STAG1: variants seen among roughly 807,000 people sequenced by gnomAD.
STAG1 encodes the protein STAG1 cohesin complex component, also known as cohesin subunit SA-1.
Under a neutral mutation model 170.9 loss-of-function variants are expected in STAG1, and 26 were observed. That is an observed-to-expected ratio of 0.15 (90% CI 0.11 to 0.21). STAG1 has a LOEUF of 0.21. STAG1 is among the 10% of genes least tolerant of loss of function. STAG1 has a pLI of 1.00. For missense variants in STAG1, 964 were observed against 1,509.5 expected, an observed-to-expected ratio of 0.64 and a Z score of 5.99; for synonymous variants, 514 against 497.7, an observed-to-expected ratio of 1.03 and a Z score of -0.44.
chr3:136,414,490 T>A (rs972619859), intron 21 of STAG1, among the ~76,000 whole-genome samples: 1 of 152,200 alleles, frequency 6.6e-6, no homozygotes, highest in African/African-American at 2.4e-5. Context: ...CCACTTCTAA[T>A]TCTAGCTCTC....
At chr3:136,609,061 G>T (rs543332898) in intron 3 of STAG1, 9 of 152,462 alleles carry the variant, frequency 5.9e-5, no homozygotes, top group Admixed American at 3.3e-4. Flanking sequence ...TGCCCAAGAG[G>T]AAAGTCAGCT....
chr3:136,583,799 T>G (rs1272360835), intron 4 of STAG1, among the ~76,000 whole-genome samples: 5 of 151,892 alleles, frequency 3.3e-5, no homozygotes, highest in Non-Finnish European at 5.9e-5. Context: ...TCAAGGAGAT[T>G]TAAAAAACAA....
At chr3:136,461,664 G>C (rs2089278439) in intron 13 of STAG1, among the ~76,000 whole-genome samples, 1 of 150,490 alleles carries the variant, frequency 6.6e-6, no homozygotes, top group African/African-American at 2.4e-5. Context: ...TTTGGGGCAA[G>C]ACCTCAATAG....
chr3:136,429,517 C>T (rs1314893252), intron 16 of STAG1, among the ~76,000 whole-genome samples: 1 of 152,102 alleles, frequency 6.6e-6, no homozygotes, highest in African/African-American at 2.4e-5. Context: ...AGAAGGGGTG[C>T]CTAAATCAAC....
chr3:136,444,560 C>G (rs1340294154), intron 14 of STAG1, among the ~76,000 whole-genome samples: 1 of 152,174 alleles, frequency 6.6e-6, no homozygotes, highest in Admixed American at 6.5e-5. Context: ...AGACTGCAAT[C>G]CATTCTTGGG....
chr3:136,401,293 A>G (rs924657365), intron 21 of STAG1, among the ~76,000 whole-genome samples: 1 of 152,226 alleles, frequency 6.6e-6, no homozygotes, highest in Non-Finnish European at 1.5e-5. Context: ...AAACCTATCC[A>G]AATTGGAGTT....
At chr3:136,736,790 G>C in intron 1 of STAG1, 1 of 1,590,936 alleles carries the variant, frequency 6.3e-7, no homozygotes, top group East Asian at 2.2e-5. Flanking sequence ...GAACAGCTCA[G>C]GATCATCCTC....
intron 4 of STAG1, among the ~76,000 whole-genome samples, chr3:136,584,159 T>C (rs919036588): frequency 6.6e-6 from 1 of 152,240 alleles, no homozygotes; most frequent in Non-Finnish European, 1.5e-5. Flanking sequence ...TACTCTAAAA[T>C]ACCATACTGG....
At chr3:136,363,019 C>T (rs1264614571) in intron 26 of STAG1, among the ~76,000 whole-genome samples, 5 of 152,106 alleles carry the variant, frequency 3.3e-5, no homozygotes, top group African/African-American at 9.7e-5. Flanking sequence ...ATTTACGCAA[C>T]ATGAAAAACA....
intron 5 of STAG1, among the ~76,000 whole-genome samples, chr3:136,545,449 G>A (rs934827880): frequency 6.6e-6 from 1 of 151,956 alleles, no homozygotes; most frequent in African/African-American, 2.4e-5. Flanking sequence ...TGGATGGATT[G>A]GTAGAAAAAA....
chr3:136,702,082 A>C (rs1180747026), intron 1 of STAG1, among the ~76,000 whole-genome samples: 1 of 66,190 alleles, frequency 1.5e-5, no homozygotes, highest in Admixed American at 1.4e-4. Flanking sequence ...CGAAAGAGAG[A>C]GAGAGAGAGA....
At chr3:136,709,775 C>T (rs1260291386) in intron 1 of STAG1, among the ~76,000 whole-genome samples, 2 of 151,152 alleles carry the variant, frequency 1.3e-5, no homozygotes, top group African/African-American at 2.4e-5. Context: ...TAGCTCATGC[C>T]TGTAATCCCA....
At chr3:136,546,812 T>C (rs1190807454) in intron 5 of STAG1, among the ~76,000 whole-genome samples, 2 of 152,226 alleles carry the variant, frequency 1.3e-5, no homozygotes, top group Non-Finnish European at 2.9e-5. Context: ...TCCAGTTACA[T>C]AATTTAAGAT....
intron 23 of STAG1, 62 bp downstream of exon 23, chr3:136,377,598 C>T: frequency 1.4e-6 from 2 of 1,381,958 alleles, no homozygotes; most frequent in Non-Finnish European, 2.0e-6. Context: ...ATTGTATCTT[C>T]TTAATGTTCA....
At chr3:136,392,109 G>A (rs1327960030) in intron 22 of STAG1, among the ~76,000 whole-genome samples, 1 of 152,176 alleles carries the variant, frequency 6.6e-6, no homozygotes, top group Middle Eastern at 3.4e-3. Flanking sequence ...TTTAAAAAGC[G>A]ATTTGGCAGT....
At chr3:136,447,201 C>A (rs1256121741) in intron 14 of STAG1, among the ~76,000 whole-genome samples, 2 of 151,140 alleles carry the variant, frequency 1.3e-5, no homozygotes, top group Non-Finnish European at 2.9e-5. Context: ...AGAAGGGTGA[C>A]TGGCTGGGCG....
intron 4 of STAG1, among the ~76,000 whole-genome samples, chr3:136,594,814 A>G (rs546875275): frequency 6.0e-4 from 92 of 152,288 alleles, no homozygotes; most frequent in Non-Finnish European, 1.1e-3. Flanking sequence ...CCCGTTGCCC[A>G]GGCTGGAGTG....
At chr3:136,438,326 G>A (rs181043083) in intron 15 of STAG1, among the ~76,000 whole-genome samples, 248 of 146,000 alleles carry the variant, frequency 1.7e-3, no homozygotes, top group Non-Finnish European at 3.1e-3. Flanking sequence ...GGGTTCCTGT[G>A]ATTCTCCTGC....
chr3:136,687,278 G>A (rs974215256), intron 1 of STAG1, among the ~76,000 whole-genome samples: 3 of 152,150 alleles, frequency 2.0e-5, no homozygotes, highest in African/African-American at 7.2e-5. Context: ...TTACTTGTAG[G>A]GAGGTGACAG....
Sources: gnomAD v4.1 joint callset for allele counts (sites outside exome capture counted in the v4.1 genomes callset) on GRCh38, gnomAD v4.1.1 for gene constraint, MANE v1.5 for transcripts, NCBI Gene and HGNC (gene_info 2026-07-23, HGNC 2026-07-21) for gene names.